The following SH3BP2 variants were observed in gnomAD, a reference collection of about 807,000 sequenced individuals.
SH3BP2 encodes the protein SH3 domain-binding protein 2.
SH3BP2 carries 38 observed loss-of-function variants against 56.2 expected under a neutral mutation model. The observed-to-expected ratio is 0.68, with a 90% CI of 0.52 to 0.89. The LOEUF (loss-of-function observed/expected upper bound fraction) is 0.89. Among genes scored for constraint, SH3BP2 ranks in the 40% least tolerant of loss-of-function variants. The pLI, the probability that SH3BP2 is intolerant of heterozygous loss-of-function variation, is 0.00. For missense variants in SH3BP2, 748 were observed against 762.6 expected, an observed-to-expected ratio of 0.98 and a Z score of 0.23; for synonymous variants, 346 against 316.7, an observed-to-expected ratio of 1.09 and a Z score of -0.98.
In SH3BP2 at chr4:2,827,218, C is replaced by G. The variant is rs1724715320; in HGVS notation, c.429-12C>G. The G allele has an allele frequency of 1.2e-6, 2 of 1,613,004 alleles. No individual in the cohort carries two copies. The highest frequency in any genetic ancestry group is 1.7e-6 in the Non-Finnish European group (2 of 1,179,198). On this transcript the variant is annotated splice_polypyrimidine_tract_variant and intron_variant, in intron 5 of 12. Coordinates refer to ENST00000503393, the MANE Select transcript of SH3BP2 (RefSeq NM_001122681.2). The stretch of plus-strand genomic sequence containing the variant: ...GTGCTCACCGTCCGCCCCAACGCAC[C>G]CTGCATTGCAGCGACTCCAGCTCGG...
rs1725296729 is a variant in SH3BP2, at chr4:2,838,071, GC to G, written c.*4241del. The G allele has an allele frequency of 6.6e-6, 1 of 152,066 alleles. No homozygotes were observed. The highest frequency in any genetic ancestry group is 2.4e-5 in the African/African-American group (1 of 41,370). 9.4% of individuals were successfully genotyped at this position (152,066 alleles called of 1,614,324 possible). A position where few individuals can be genotyped will look rare whatever the true frequency, so the allele number is the denominator to read the frequency against. ...GGCGTTGCCGTCTGCTTCTTCCCTG[GC>G]CCCACTCTGAGGGGCTCAGAGCTGA... On this transcript the variant is annotated 3_prime_UTR_variant, in exon 13 of 13. Transcript: ENST00000503393.
rs568332811 is a variant in SH3BP2, at chr4:2,840,234, C to CAAAAA, written c.*6416_*6420dup. 2.4e-5 allele frequency: 2 copies of CAAAAA among 82,818 alleles called. No individual in the cohort carries two copies. The highest frequency in any genetic ancestry group is 4.5e-5 in the Non-Finnish European group (2 of 44,558). The allele number at this position is 82,818 out of a possible 1,614,324, so 5.1% of individuals were successfully genotyped here. A position where few individuals can be genotyped will look rare whatever the true frequency, so the allele number is the denominator to read the frequency against. ...AGTGAGACCCTATCTCAAAAAAAAC[C>CAAAAA]AAAAAAAAAAAAAAAAAAAAGAAAA... On this transcript the variant is annotated 3_prime_UTR_variant, in exon 13 of 13. Coordinates refer to ENST00000503393, the MANE Select transcript of SH3BP2 (RefSeq NM_001122681.2).
At position 2,840,694 on chromosome 4, in the gene SH3BP2, G is replaced by A. The variant is rs1159762998; in HGVS notation, c.*6860G>A. The stretch of plus-strand genomic sequence containing the variant: ...TCTGGCTCTTTGTATTTTCATGTAA[G>A]GTTTTTCTCCCATATAAGTTTTAAA... On this transcript the variant is annotated 3_prime_UTR_variant, in exon 13 of 13. Coordinates refer to ENST00000503393, the MANE Select transcript of SH3BP2 (RefSeq NM_001122681.2). 4 of 152,110 alleles carry A rather than the reference G, an allele frequency of 2.6e-5. No homozygotes were observed. The highest frequency in any genetic ancestry group is 5.9e-5 in the Non-Finnish European group (4 of 68,022). 9.4% of individuals were successfully genotyped at this position (152,110 alleles called of 1,614,324 possible).
chr4:2,826,691 GCT>G (rs1724666018), intron 5 of SH3BP2: 2 of 339,654 alleles, frequency 5.9e-6, no homozygotes, highest in Non-Finnish European at 1.1e-5. Flanking sequence ...TCCTCATGTT[GCT>G]CTGTGTGTGT....
chr4:2,805,212 G>A (rs1293003106), intron 1 of SH3BP2, among the ~76,000 whole-genome samples: 5 of 152,214 alleles, frequency 3.3e-5, no homozygotes, highest in South Asian at 2.1e-4. Flanking sequence ...CCCTGGGCCC[G>A]GAGGGTCAGC....
intron 1 of SH3BP2, among the ~76,000 whole-genome samples, chr4:2,805,720 C>T (rs1027923919): frequency 4.6e-5 from 7 of 152,134 alleles, no homozygotes; most frequent in South Asian, 4.1e-4. Flanking sequence ...GGGGCCCTGC[C>T]GTGGACTGAG....
Position 2,830,046 on chromosome 4 carries a change from C to G in SH3BP2, c.1140C>G (p.Pro380=). ...EAAMPGLFVP[P]VAPRPPALKL... ...CCATGCCCGGACTCTTTGTGCCCCC[C>G]GTGGCTCCCCGGCCTCCTGCGCTGA... The change falls in exon 8 of 13, where the codon CCC becomes CCG. Residue 380 remains proline, a synonymous_variant. Transcript: ENST00000503393. 1 of 1,612,320 alleles carries G rather than the reference C, an allele frequency of 6.2e-7. No individual in the cohort carries two copies. Among genetic ancestry groups the G allele is most frequent in the Non-Finnish European group, 8.5e-7 (1 of 1,179,832 alleles).
chr4:2,820,501 G>A, intron 1 of SH3BP2, 113 bp from the exon 2 acceptor site: 1 of 1,378,332 alleles, frequency 7.3e-7, no homozygotes, highest in Non-Finnish European at 1.0e-6. Flanking sequence ...GCCTGTCATG[G>A]CCCTACCCTC....
rs766907808 is a variant in SH3BP2, at chr4:2,827,587, C to T, written c.518-19C>T. 9 of 1,577,904 alleles carry T rather than the reference C, an allele frequency of 5.7e-6. No homozygotes were observed. The highest frequency in any genetic ancestry group is 4.7e-5 in the East Asian group (2 of 42,928). ...GCCTGGGCCGGTTTGGCTCTCACCA[C>T]CCCCCTCTCCCCATGCAGACTATGA... On this transcript the variant is annotated intron_variant, in intron 6 of 12. Transcript: ENST00000503393.
At chr4:2,799,342 G>C in intron 1 of SH3BP2, 1 of 977,434 alleles carries the variant, frequency 1.0e-6, no homozygotes. Context: ...GTGGAGGGAG[G>C]GGCAGTGGCC....
intron 1 of SH3BP2, among the ~76,000 whole-genome samples, chr4:2,819,639 G>T (rs2108724673): frequency 6.6e-6 from 1 of 152,262 alleles, no homozygotes; most frequent in African/African-American, 2.4e-5. Flanking sequence ...AGACCAAACA[G>T]TGCAGGGTCG....
intron 1 of SH3BP2, chr4:2,798,520 C>T (rs1723132752): frequency 6.6e-6 from 1 of 152,416 alleles, no homozygotes; most frequent in South Asian, 2.1e-4. Context: ...CATCTCCTCT[C>T]TCGGAAACGC....
intron 1 of SH3BP2, among the ~76,000 whole-genome samples, chr4:2,813,636 C>T (rs1281411907): frequency 2.6e-5 from 4 of 152,104 alleles, no homozygotes; most frequent in African/African-American, 7.2e-5. Context: ...CACAGAAGAC[C>T]GCACTTGACA....
intron 1 of SH3BP2, among the ~76,000 whole-genome samples, chr4:2,808,232 C>G (rs572022462): frequency 2.0e-5 from 3 of 152,310 alleles, no homozygotes; most frequent in Admixed American, 1.3e-4. Flanking sequence ...CGGCGATCCT[C>G]GGTGCCCTTG....
chr4:2,827,571 G>A (rs370093082), intron 6 of SH3BP2, 35 bp from the exon 7 acceptor site: 32 of 1,564,006 alleles, frequency 2.0e-5, no homozygotes, highest in African/African-American at 5.4e-5. Context: ...GGCCTGGGCC[G>A]GTTTGGCTCT....
intron 2 of SH3BP2, 67 bp downstream of exon 2, chr4:2,820,820 G>T: frequency 6.6e-7 from 1 of 1,507,400 alleles, no homozygotes; most frequent in Non-Finnish European, 9.0e-7. Context: ...ATGTAAGTAA[G>T]CATCCTCTCC....
chr4:2,830,303 C>T (rs1180589283), intron 8 of SH3BP2, among the ~76,000 whole-genome samples, 156 bp downstream of exon 8: 9 of 152,226 alleles, frequency 5.9e-5, no homozygotes, highest in Middle Eastern at 3.2e-3. Flanking sequence ...GCCTCCAGTC[C>T]GCCTTGGTGG....
rs1192716202 is a variant in SH3BP2, at chr4:2,820,627, G to T, written c.10G>T (p.Glu4Ter). The T allele has an allele frequency of 6.2e-7, 1 of 1,614,060 alleles. No individual in the cohort carries two copies. Among genetic ancestry groups the T allele is most frequent in the Non-Finnish European group, 8.5e-7 (1 of 1,180,012 alleles). MAA[E>*]EMHWPVPMKA... ...CCTTTATTGCAGCTTCATGGCGGCT[G>T]AAGAGATGCATTGGCCTGTCCCTAT... The change falls in exon 2 of 13, where the codon GAA (glutamate) becomes TAA (stop). Residue 4 changes from glutamate to a stop codon, truncating the protein, a stop_gained. Transcript: ENST00000503393. LOFTEE classifies it high-confidence loss of function.
At position 2,831,062 on chromosome 4, in the gene SH3BP2, G is replaced by A. The variant is rs1304134785; in HGVS notation, c.1242-509G>A. 1.3e-5 allele frequency among the ~76,000 whole-genome samples: 2 copies of A among 152,226 alleles called. No individual in the cohort carries two copies. The highest frequency in any genetic ancestry group is 2.9e-5 in the Non-Finnish European group (2 of 68,028). On this transcript the variant is annotated intron_variant, in intron 8 of 12. Coordinates refer to ENST00000503393, the MANE Select transcript of SH3BP2 (RefSeq NM_001122681.2). This position sits in a 1 kb window ranked among gnomAD's most constrained non-coding sequence, Gnocchi z 4.1. Reference sequence around the variant, plus strand: ...TTCCAGGGCTCAGCCTCACCCACAGGCTGGCCTCCCATGCTGGCGTGGCCC... The same window carrying A: ...TTCCAGGGCTCAGCCTCACCCACAGACTGGCCTCCCATGCTGGCGTGGCCC...
Sources: gnomAD v4.1 joint callset for allele counts (sites outside exome capture counted in the v4.1 genomes callset) on GRCh38, gnomAD v4.1.1 for gene constraint, Gnocchi (gnomAD v3.1) non-coding constraint, MANE v1.5 for transcripts, NCBI Gene and HGNC (gene_info 2026-07-23, HGNC 2026-07-21) for gene names.